The following ADGRL3 variants were observed in gnomAD, a reference collection of about 807,000 sequenced individuals.
ADGRL3 encodes the protein adhesion G protein-coupled receptor L3.
ADGRL3 carries 62 observed loss-of-function variants against 153.5 expected under a neutral mutation model. The ratio of observed to expected loss-of-function variants is 0.40; its 90% CI spans 0.33 to 0.50. The LOEUF (loss-of-function observed/expected upper bound fraction) is 0.50, where lower values mean the gene tolerates loss of function less well. Ranked by LOEUF, ADGRL3 falls within the 20% of genes least tolerant of loss-of-function variation. The pLI, the probability that ADGRL3 is intolerant of heterozygous loss-of-function variation, is 0.47. For missense variants in ADGRL3, 1,641 were observed against 1,859.4 expected (o/e 0.88, Z 2.16); for synonymous variants, 710 against 672.5 (o/e 1.06, Z -0.86).
chr4:61,832,743 A>T (rs1204957129), intron 9 of ADGRL3, among the ~76,000 whole-genome samples: 1 of 152,058 alleles, frequency 6.6e-6, no homozygotes, highest in African/African-American at 2.4e-5. Flanking sequence ...AAACCTGAAT[A>T]TATAATCAAT....
intron 5 of ADGRL3, among the ~76,000 whole-genome samples, chr4:61,656,756 A>AT (rs1329475405): frequency 3.3e-5 from 5 of 152,096 alleles, no homozygotes; most frequent in Non-Finnish European, 5.9e-5. Flanking sequence ...AAAACAATGA[A>AT]TTTTCTAGCT....
At chr4:61,885,396 G>A (rs1447121901) in intron 9 of ADGRL3, among the ~76,000 whole-genome samples, 1 of 152,116 alleles carries the variant, frequency 6.6e-6, no homozygotes, top group African/African-American at 2.4e-5. Context: ...TTGTTCCATT[G>A]TTCTACTTAT....
In ADGRL3 at chr4:62,075,837, A is replaced by G. The variant is rs1244833845; in HGVS notation, c.*4929A>G. On this transcript the variant is annotated 3_prime_UTR_variant, in exon 27 of 27. Transcript: ENST00000683033. ...AAATTTAACTTTGCAATCAGCAAAT[A>G]TGTTCTTTATAACATCTTAAAAATA... is the stretch of plus-strand genomic sequence containing the variant. The G allele has an allele frequency of 2.6e-5, 4 of 152,326 alleles. No homozygotes were observed. The highest frequency in any genetic ancestry group is 1.9e-4 in the East Asian group (1 of 5,186). The allele number at this position is 152,326 out of a possible 1,614,324, so 9.4% of individuals were successfully genotyped here.
chr4:61,674,681 T>C (rs2095127214), intron 5 of ADGRL3, among the ~76,000 whole-genome samples: 1 of 151,880 alleles, frequency 6.6e-6, no homozygotes, highest in African/African-American at 2.4e-5. Context: ...AAAAATAACT[T>C]TATGAGTTCA....
chr4:62,017,182 T>G (rs990470328), intron 21 of ADGRL3, among the ~76,000 whole-genome samples: 1 of 152,066 alleles, frequency 6.6e-6, no homozygotes, highest in African/African-American at 2.4e-5. Context: ...TACCAGTTAT[T>G]TATTTATTTT....
intron 6 of ADGRL3, among the ~76,000 whole-genome samples, chr4:61,695,432 T>A (rs754225441): frequency 6.6e-6 from 1 of 152,170 alleles, no homozygotes; most frequent in Non-Finnish European, 1.5e-5. Flanking sequence ...TAATCTCTTT[T>A]TCTGAGTAGC....
intron 2 of ADGRL3, among the ~76,000 whole-genome samples, chr4:61,410,120 A>G (rs2097066255): frequency 6.6e-6 from 1 of 152,034 alleles, no homozygotes; most frequent in Non-Finnish European, 1.5e-5. Context: ...CTAGTAATTC[A>G]TGACATTAAA....
At chr4:61,477,079 G>T (rs528134182) in intron 2 of ADGRL3, among the ~76,000 whole-genome samples, 1 of 151,884 alleles carries the variant, frequency 6.6e-6, no homozygotes, top group East Asian at 1.9e-4. Context: ...TATCTGATAC[G>T]TAATTTAAAA....
intron 21 of ADGRL3, among the ~76,000 whole-genome samples, chr4:62,026,951 A>T (rs1228737449): frequency 2.0e-5 from 3 of 152,062 alleles, no homozygotes; most frequent in African/African-American, 7.2e-5. Flanking sequence ...AATGTATTTA[A>T]AATCTATACA....
At chr4:61,658,101 G>T (rs1013300762) in intron 5 of ADGRL3, among the ~76,000 whole-genome samples, 2 of 151,986 alleles carry the variant, frequency 1.3e-5, no homozygotes, top group Non-Finnish European at 2.9e-5. Context: ...TTCTTCATGG[G>T]TTGCACCACC....
At chr4:61,467,508 TGAAG>T (rs138046559) in intron 2 of ADGRL3, among the ~76,000 whole-genome samples, 1,782 of 150,036 alleles carry the variant, frequency 0.012, 30 homozygotes, top group African/African-American at 0.039. Context: ...GAGAGAGAGA[TGAAG>T]GGAGGGAGGG....
chr4:61,776,938 A>G (rs1340117778), intron 8 of ADGRL3, among the ~76,000 whole-genome samples: 1 of 152,246 alleles, frequency 6.6e-6, no homozygotes, highest in Non-Finnish European at 1.5e-5. Flanking sequence ...ATAAACATAT[A>G]TAATGATCTG....
At chr4:61,811,016 T>C (rs2097609910) in intron 8 of ADGRL3, among the ~76,000 whole-genome samples, 1 of 152,106 alleles carries the variant, frequency 6.6e-6, no homozygotes, top group South Asian at 2.1e-4. Flanking sequence ...CCCCATGTCA[T>C]TGGGACCTTT....
chr4:61,441,942 C>T (rs1417373170), intron 2 of ADGRL3, among the ~76,000 whole-genome samples: 1 of 152,078 alleles, frequency 6.6e-6, no homozygotes, highest in Non-Finnish European at 1.5e-5. Flanking sequence ...TGAATGGTTT[C>T]CTTCATAAAG....
At chr4:61,896,594 A>G (rs1037171710) in intron 11 of ADGRL3, among the ~76,000 whole-genome samples, 1 of 152,192 alleles carries the variant, frequency 6.6e-6, no homozygotes, top group Non-Finnish European at 1.5e-5. Context: ...GTTTTTAACC[A>G]GACTTATCCT....
At chr4:61,790,224 G>A (rs1419990380) in intron 8 of ADGRL3, among the ~76,000 whole-genome samples, 1 of 151,978 alleles carries the variant, frequency 6.6e-6, no homozygotes, top group East Asian at 1.9e-4. Context: ...TTTTTACTAT[G>A]ACATTATTGG....
intron 2 of ADGRL3, among the ~76,000 whole-genome samples, chr4:61,415,464 A>G (rs1384952743): frequency 6.6e-6 from 1 of 152,058 alleles, no homozygotes. Flanking sequence ...TGTCATGGAA[A>G]ATTCTAAACT....
chr4:61,320,267 A>C (rs555994741), intron 1 of ADGRL3, among the ~76,000 whole-genome samples: 1 of 152,204 alleles, frequency 6.6e-6, no homozygotes, highest in Non-Finnish European at 1.5e-5. Flanking sequence ...GTACCTTCTT[A>C]TATGCAAATA....
chr4:61,474,095 C>G (rs2098010104), intron 2 of ADGRL3, among the ~76,000 whole-genome samples: 4 of 152,044 alleles, frequency 2.6e-5, no homozygotes, highest in African/African-American at 7.2e-5. Flanking sequence ...GATGATTAGG[C>G]AGTTCATGCT....
Sources: gnomAD v4.1 joint callset for allele counts (sites outside exome capture counted in the v4.1 genomes callset) on GRCh38, gnomAD v4.1.1 for gene constraint, MANE v1.5 for transcripts, NCBI Gene and HGNC (gene_info 2026-07-23, HGNC 2026-07-21) for gene names.